The following CUX1 variants were observed in gnomAD, a reference collection of about 807,000 sequenced individuals.
The protein encoded by CUX1 is cut like homeobox 1.
A neutral mutation model predicts 158.8 loss-of-function variants in CUX1; 31 were observed. That is an observed-to-expected ratio of 0.20 (90% CI 0.15 to 0.26). The LOEUF (loss-of-function observed/expected upper bound fraction) is 0.26, where lower values mean the gene tolerates loss of function less well. Ranked by LOEUF, CUX1 falls within the 10% of genes least tolerant of loss-of-function variation. The pLI is 1.00. For synonymous variants in CUX1, 879 were observed against 862.1 expected, an observed-to-expected ratio of 1.02 and a Z score of -0.34; for missense variants, 1,589 against 2,014.6, an observed-to-expected ratio of 0.79 and a Z score of 4.04.
chr7:102,022,613 CAAA>C (rs11344759), intron 2 of CUX1, among the ~76,000 whole-genome samples: 17 of 134,992 alleles, frequency 1.3e-4, no homozygotes, highest in East Asian at 2.1e-4. Flanking sequence ...GACACTGTCT[CAAA>C]AAAAAAAAAA....
intron 13 of CUX1, 47 bp from the exon 14 acceptor site, chr7:102,195,460 G>C: frequency 2.0e-6 from 3 of 1,518,580 alleles, no homozygotes; most frequent in Non-Finnish European, 2.7e-6. Flanking sequence ...CCCGGGAGCG[G>C]GTGAGTGGCC....
At chr7:102,051,903 C>T (rs1823555029) in intron 3 of CUX1, among the ~76,000 whole-genome samples, 1 of 151,946 alleles carries the variant, frequency 6.6e-6, no homozygotes, top group South Asian at 2.1e-4. Context: ...AGAACATTTT[C>T]GTCAGCTCAA....
intron 1 of CUX1, among the ~76,000 whole-genome samples, chr7:101,876,342 C>A (rs6949239): frequency 0.055 from 2,881 of 52,734 alleles, 130 homozygotes; most frequent in African/African-American, 0.16. Context: ...AAAAAAAAAA[C>A]AAAAAAAAAA....
At chr7:101,958,843 CCT>C (rs1810093895) in intron 2 of CUX1, among the ~76,000 whole-genome samples, 1 of 121,028 alleles carries the variant, frequency 8.3e-6, no homozygotes, top group Non-Finnish European at 1.7e-5. Context: ...GAGATGATGC[CCT>C]TTTTTTTTTT....
intron 1 of CUX1, among the ~76,000 whole-genome samples, chr7:101,875,727 C>T (rs910828131): frequency 6.6e-5 from 10 of 152,218 alleles, no homozygotes; most frequent in Admixed American, 2.0e-4. Flanking sequence ...CTGCCCCTTC[C>T]GGGAGCTCTG....
chr7:102,195,392 C>G, intron 13 of CUX1, 115 bp from the exon 14 acceptor site: 2 of 762,256 alleles, frequency 2.6e-6, no homozygotes, highest in South Asian at 1.9e-5. Flanking sequence ...CTAATCAGAT[C>G]GAGAGCTGGG....
At chr7:102,105,504 C>CTT (rs781922611) in intron 6 of CUX1, among the ~76,000 whole-genome samples, 9,105 of 85,824 alleles carry the variant, frequency 0.11, 1,051 homozygotes, top group African/African-American at 0.21. Flanking sequence ...CCATATAGAT[C>CTT]TTTTTTTTTT....
intron 2 of CUX1, among the ~76,000 whole-genome samples, chr7:101,954,041 G>C (rs933572696): frequency 1.3e-5 from 2 of 152,110 alleles, no homozygotes; most frequent in African/African-American, 4.8e-5. Context: ...ATTTTTTTAA[G>C]TCAGCCAGGC....
chr7:102,255,123 T>C lies in CUX1; in HGVS notation c.*6081T>C, dbSNP rs1789752485. ...TCCCAGAGGCCCCGGCGGCCTGTGCTCCTCACCACCCTGGTCAGGGGAATA... is the reference window on the plus strand; with the variant it reads ...TCCCAGAGGCCCCGGCGGCCTGTGCCCCTCACCACCCTGGTCAGGGGAATA... On this transcript the variant is annotated 3_prime_UTR_variant, in exon 24 of 24. Transcript: ENST00000292535. 5.1e-6 allele frequency: 5 copies of C among 985,254 alleles called. No individual in the cohort carries two copies. The highest frequency in any genetic ancestry group is 6.0e-6 in the Non-Finnish European group (5 of 829,878). The allele number at this position is 985,254 out of a possible 1,614,324, so 61.0% of individuals were successfully genotyped here.
intron 1 of CUX1, among the ~76,000 whole-genome samples, chr7:101,902,702 G>A (rs1291337417): frequency 1.3e-5 from 2 of 152,198 alleles, no homozygotes; most frequent in African/African-American, 4.8e-5. Context: ...TCCGTCTTCT[G>A]TCCTGCAGAC....
At chr7:102,239,954 T>C (rs1800011171) in intron 23 of CUX1, among the ~76,000 whole-genome samples, 1 of 151,848 alleles carries the variant, frequency 6.6e-6, no homozygotes, top group African/African-American at 2.4e-5. Context: ...ACTATGTTGG[T>C]CAGGCTTGTC....
At chr7:102,031,572 T>C (rs775859941) in intron 3 of CUX1, among the ~76,000 whole-genome samples, 6 of 152,250 alleles carry the variant, frequency 3.9e-5, no homozygotes, top group Middle Eastern at 3.4e-3. Flanking sequence ...CATAAAATTA[T>C]CATAGATTTT....
chr7:102,180,528 G>A (rs1388477010), intron 11 of CUX1, among the ~76,000 whole-genome samples: 1 of 151,396 alleles, frequency 6.6e-6, no homozygotes, highest in Non-Finnish European at 1.5e-5. Context: ...ATTTCACTGT[G>A]TTCCCCAGGC....
intron 11 of CUX1, among the ~76,000 whole-genome samples, chr7:102,181,571 C>T (rs1238473224): frequency 1.3e-5 from 2 of 152,194 alleles, no homozygotes; most frequent in Non-Finnish European, 2.9e-5. Flanking sequence ...TTATCCGTAT[C>T]TTGGGGGAAT....
chr7:101,990,322 A>C (rs1201886491), intron 2 of CUX1, among the ~76,000 whole-genome samples: 3 of 152,182 alleles, frequency 2.0e-5, no homozygotes, highest in African/African-American at 7.2e-5. Flanking sequence ...TGATTGTGCC[A>C]CTGCATTCCA....
chr7:101,950,466 G>A (rs1042712248), intron 2 of CUX1, among the ~76,000 whole-genome samples: 7 of 151,764 alleles, frequency 4.6e-5, no homozygotes, highest in African/African-American at 1.5e-4. Context: ...TACCATTTTA[G>A]TTATTTTGAA....
intron 1 of CUX1, among the ~76,000 whole-genome samples, chr7:101,887,799 C>T (rs1349349263): frequency 6.6e-6 from 1 of 150,886 alleles, no homozygotes; most frequent in Non-Finnish European, 1.5e-5. Flanking sequence ...GACCATTGGA[C>T]TGAAAAACCA....
Position 102,118,440 on chromosome 7 carries a change from AAGT to A in CUX1, c.674+3168_674+3170del, listed in dbSNP as rs1270708685. Reference sequence around the variant, plus strand: ...GTAGTCCTGGATACTTATGAGTCTGAAGTGGGAGGATCGCTTGAGCCCAGGAGG... The same window carrying A: ...GTAGTCCTGGATACTTATGAGTCTGAGGGAGGATCGCTTGAGCCCAGGAGG... On this transcript the variant is annotated intron_variant, in intron 8 of 23. Transcript: ENST00000292535. Among the ~76,000 whole-genome samples, 3 of 152,098 alleles carry A rather than the reference AAGT, an allele frequency of 2.0e-5. No individual in the cohort carries two copies. The East Asian group carries it at 5.8e-4, about 29-fold the overall frequency.
chr7:102,246,032 G>T (rs1040564282), intron 23 of CUX1, among the ~76,000 whole-genome samples: 2 of 151,918 alleles, frequency 1.3e-5, no homozygotes, highest in African/African-American at 4.8e-5. Context: ...CTATGGCTAT[G>T]AGGTTAAATA....
Sources: allele counts gnomAD v4.1 joint callset (sites outside exome capture counted in the v4.1 genomes callset), GRCh38; gene constraint gnomAD v4.1.1; transcripts MANE v1.5; gene names NCBI Gene and HGNC (gene_info 2026-07-23, HGNC 2026-07-21).